Variants in MAP2K5 observed in about 807,000 individuals in gnomAD.
MAP2K5 encodes dual specificity mitogen-activated protein kinase kinase 5.
Under a neutral mutation model 83.1 loss-of-function variants are expected in MAP2K5, and 49 were observed. The ratio of observed to expected loss-of-function variants is 0.59; its 90% CI spans 0.47 to 0.75. The LOEUF (loss-of-function observed/expected upper bound fraction) is 0.75, where lower values mean the gene tolerates loss of function less well. Ranked by LOEUF, MAP2K5 falls within the 30% of genes least tolerant of loss-of-function variation. MAP2K5 has a pLI of 0.00. For missense variants in MAP2K5, 457 were observed against 557.5 expected (o/e 0.82, Z 1.82); for synonymous variants, 202 against 191.8 (o/e 1.05, Z -0.44).
At chr15:67,545,983 AGTG>A (rs553987796) in intron 1 of MAP2K5, among the ~76,000 whole-genome samples, 33 of 152,360 alleles carry the variant, frequency 2.2e-4, no homozygotes, top group African/African-American at 7.9e-4. Context: ...AGGAAACACG[AGTG>A]GCCCCACCAC....
intron 17 of MAP2K5, among the ~76,000 whole-genome samples, chr15:67,733,762 G>C (rs1290201881): frequency 6.6e-6 from 1 of 152,164 alleles, no homozygotes; most frequent in East Asian, 1.9e-4. Flanking sequence ...CCCAATACAA[G>C]TTAAACATAG....
At chr15:67,606,618 G>A (rs2085783453) in intron 8 of MAP2K5, among the ~76,000 whole-genome samples, 1 of 152,102 alleles carries the variant, frequency 6.6e-6, no homozygotes, top group Non-Finnish European at 1.5e-5. Flanking sequence ...CCTTGGAGGT[G>A]GTAACTGAGA....
At chr15:67,762,230 G>A (rs947360346) in intron 19 of MAP2K5, among the ~76,000 whole-genome samples, 2 of 152,096 alleles carry the variant, frequency 1.3e-5, no homozygotes, top group Non-Finnish European at 2.9e-5. Context: ...AAATCCCTTC[G>A]GTATGAGACA....
At chr15:67,803,129 C>A (rs994106911) in intron 21 of MAP2K5, among the ~76,000 whole-genome samples, 1 of 152,236 alleles carries the variant, frequency 6.6e-6, no homozygotes, top group Admixed American at 6.5e-5. Context: ...TCAGGACAAA[C>A]CTTTGGCAAA....
Position 67,638,002 on chromosome 15 carries a change from C to CT in MAP2K5, c.585+7082dup, listed in dbSNP as rs1156283556. ...TTAACTTTTTTAACTTTTAATTTAA[C>CT]TTTTTTTAACTTTTTTTTACTTTTA... On this transcript the variant is annotated intron_variant, in intron 9 of 21. Transcript: ENST00000178640. This position sits in a 1 kb window ranked among gnomAD's most constrained non-coding sequence, Gnocchi z 4.5. Among the ~76,000 whole-genome samples, 2 of 150,652 alleles carry CT rather than the reference C, an allele frequency of 1.3e-5. No individual in the cohort carries two copies. The highest frequency in any genetic ancestry group is 2.4e-5 in the African/African-American group (1 of 41,026).
intron 13 of MAP2K5, among the ~76,000 whole-genome samples, chr15:67,684,506 T>C: frequency 6.6e-6 from 1 of 152,110 alleles, no homozygotes; most frequent in South Asian, 2.1e-4. Flanking sequence ...TACAATAAAA[T>C]CCAGCATTCA....
rs2090011214 is a variant in MAP2K5, at chr15:67,764,768, C to T, written c.1135-4834C>T. ...ACATTATTGTCAGGTCCCCCTGTCA[C>T]CTTTAATTATGAATTATAGGCAAAA... is the stretch of plus-strand genomic sequence containing the variant. On this transcript the variant is annotated intron_variant, in intron 19 of 21. Transcript: ENST00000178640. The surrounding 1 kb of genome is among the most constrained non-coding windows in gnomAD (Gnocchi z 4.9). Among the ~76,000 whole-genome samples the T allele has an allele frequency of 1.3e-5, 2 of 152,162 alleles. No individual in the cohort carries two copies. The highest frequency in any genetic ancestry group is 2.9e-5 in the Non-Finnish European group (2 of 68,034).
intron 16 of MAP2K5, among the ~76,000 whole-genome samples, chr15:67,710,124 G>T (rs576323912): frequency 4.6e-5 from 7 of 152,292 alleles, no homozygotes; most frequent in African/African-American, 1.7e-4. Context: ...AGCCTCCTGA[G>T]TAGCTAGGAC....
chr15:67,726,368 T>C (rs1329947190), intron 16 of MAP2K5, among the ~76,000 whole-genome samples: 23 of 152,248 alleles, frequency 1.5e-4, no homozygotes. Context: ...AGTTTTTGTA[T>C]GTGGCTTTGG....
In MAP2K5 at chr15:67,757,485, T is replaced by A. The variant is rs148198213; in HGVS notation, c.1134+8884T>A. ...ATCTCCACCCCCTTTCCCACACACC[T>A]GCATAAAAGAACTGAGAGTTCCATA... On this transcript the variant is annotated intron_variant, in intron 19 of 21. Transcript: ENST00000178640. This position sits in a 1 kb window ranked among gnomAD's most constrained non-coding sequence, Gnocchi z 4.9. Among the ~76,000 whole-genome samples, 604 of 152,280 alleles carry A rather than the reference T, an allele frequency of 4.0e-3. 4 individuals carry two copies. Among genetic ancestry groups the A allele is most frequent in the African/African-American group, 0.014 (579 of 41,562 alleles).
chr15:67,607,844 C>T (rs939036717), intron 8 of MAP2K5, among the ~76,000 whole-genome samples: 11 of 151,820 alleles, frequency 7.2e-5, no homozygotes, highest in African/African-American at 2.7e-4. Context: ...CACTTGATTA[C>T]TATGGGTAAC....
intron 16 of MAP2K5, among the ~76,000 whole-genome samples, chr15:67,714,877 A>T (rs2088793207): frequency 6.6e-6 from 1 of 152,170 alleles, no homozygotes; most frequent in Non-Finnish European, 1.5e-5. Context: ...AAAAAGGCCA[A>T]TATCTGAAAT....
chr15:67,596,470 G>A (rs764376310), intron 7 of MAP2K5, among the ~76,000 whole-genome samples: 6 of 152,128 alleles, frequency 3.9e-5, no homozygotes, highest in Non-Finnish European at 8.8e-5. Flanking sequence ...AAAAGGGAGG[G>A]GGAATATATA....
chr15:67,643,455 TA>T (rs2086760777), intron 9 of MAP2K5, among the ~76,000 whole-genome samples: 1 of 150,144 alleles, frequency 6.7e-6, no homozygotes, highest in African/African-American at 2.4e-5. Context: ...CAAACTCTTT[TA>T]TTTTTTTTGA....
At chr15:67,683,339 T>C (rs1370490832) in intron 13 of MAP2K5, among the ~76,000 whole-genome samples, 1 of 152,236 alleles carries the variant, frequency 6.6e-6, no homozygotes, top group Non-Finnish European at 1.5e-5. Context: ...TTCTGCCACA[T>C]GAATTCAGAT....
chr15:67,623,351 C>T (rs1284336825), intron 8 of MAP2K5, among the ~76,000 whole-genome samples: 1 of 152,180 alleles, frequency 6.6e-6, no homozygotes, highest in Non-Finnish European at 1.5e-5. Context: ...TATATCCATA[C>T]CAGATGGCTC....
In MAP2K5 at chr15:67,790,734, A is replaced by C. The variant is rs2241422; in HGVS notation, c.1243-15912A>C. ...AGTCACATAAAAACAAACAAACAAA[A>C]AAAAAAAAACCTGTGTCCTAATGTC... On this transcript the variant is annotated intron_variant, in intron 21 of 21. Transcript: ENST00000178640. The surrounding 1 kb of genome is among the most constrained non-coding windows in gnomAD (Gnocchi z 4.6). 0.29 allele frequency among the ~76,000 whole-genome samples: 43,666 copies of C among 151,864 alleles called. 7,033 individuals are homozygous for C. The highest frequency in any genetic ancestry group is 0.59 in the East Asian group (3,057 of 5,144).
intron 11 of MAP2K5, among the ~76,000 whole-genome samples, chr15:67,656,231 C>T (rs2087073416): frequency 6.6e-6 from 1 of 152,074 alleles, no homozygotes; most frequent in Non-Finnish European, 1.5e-5. Flanking sequence ...CAATTTGCAT[C>T]ATAGTAGTAT....
rs557268841 is a variant in MAP2K5 at position 67,563,756 on chromosome 15, C to T, written c.252+406C>T. On this transcript the variant is annotated intron_variant, in intron 3 of 21. Coordinates refer to ENST00000178640, the MANE Select transcript of MAP2K5 (RefSeq NM_145160.3). This position sits in a 1 kb window ranked among gnomAD's most constrained non-coding sequence, Gnocchi z 4.5. ...CTATAGTTTACAATGTAGCTGCAGG[C>T]TTAATATGGATACACGATTTAAAGA... Among the ~76,000 whole-genome samples the T allele has an allele frequency of 6.6e-6, 1 of 152,150 alleles. No homozygotes were observed. Among genetic ancestry groups the T allele is most frequent in the East Asian group, 1.9e-4 (1 of 5,180 alleles).
Sources: gnomAD v4.1 joint callset for allele counts (sites outside exome capture counted in the v4.1 genomes callset) on GRCh38, gnomAD v4.1.1 for gene constraint, Gnocchi (gnomAD v3.1) non-coding constraint, MANE v1.5 for transcripts, NCBI Gene and HGNC (gene_info 2026-07-23, HGNC 2026-07-21) for gene names.